IFFO2: variants seen among roughly 807,000 people sequenced by gnomAD.
IFFO2 encodes intermediate filament family orphan 2.
In IFFO2, 19 loss-of-function variants were observed where a neutral mutation model predicts 53.5. The observed-to-expected ratio is 0.36, with a 90% CI of 0.25 to 0.52. The LOEUF is 0.52. IFFO2 is among the 20% of genes least tolerant of loss of function. The pLI, the probability that IFFO2 is intolerant of heterozygous loss-of-function variation, is 0.94. For missense variants in IFFO2, 570 were observed against 727.4 expected (o/e 0.78, Z 2.49); for synonymous variants, 303 against 313.6 (o/e 0.97, Z 0.36).
intron 1 of IFFO2, among the ~76,000 whole-genome samples, chr1:18,927,544 T>C (rs1936321627): frequency 6.6e-6 from 1 of 151,680 alleles, no homozygotes; most frequent in African/African-American, 2.4e-5. Context: ...GCCCGGCTGC[T>C]CAAACCACAG....
At chr1:18,948,286 G>A (rs567745401) in intron 1 of IFFO2, among the ~76,000 whole-genome samples, 56 of 152,336 alleles carry the variant, frequency 3.7e-4, no homozygotes, top group African/African-American at 1.2e-3. Context: ...TGTACAGAGC[G>A]ACAAACTGAG....
intron 1 of IFFO2, among the ~76,000 whole-genome samples, chr1:18,950,777 G>C (rs56140067): frequency 0.03 from 4,566 of 152,270 alleles, 97 homozygotes; most frequent in Middle Eastern, 0.065. Flanking sequence ...ACGGGAATGG[G>C]CGGGGGACAC....
rs765521019 is a variant in IFFO2 at position 18,907,591 on chromosome 1, G to C, written c.*970C>G. ...GAGGGAAGAACATCAAGTTATCAGG[G>C]AAATCAAGGATCCCTCCGCCCCCGC... On this transcript the variant is annotated 3_prime_UTR_variant, in exon 9 of 9. Transcript: ENST00000455833. 6.6e-6 allele frequency: 1 copy of C among 152,234 alleles called. No homozygotes were observed. Among genetic ancestry groups the C allele is most frequent in the Non-Finnish European group, 1.5e-5 (1 of 68,088 alleles). The allele number at this position is 152,234 out of a possible 1,614,324, so 9.4% of individuals were successfully genotyped here.
intron 1 of IFFO2, among the ~76,000 whole-genome samples, chr1:18,932,169 C>T (rs570543402): frequency 1.1e-4 from 16 of 152,328 alleles, no homozygotes; most frequent in African/African-American, 3.8e-4. Flanking sequence ...CCCATTTGGT[C>T]ATCATAAAGA....
chr1:18,921,914 AGGGGT>A (rs1447398827), intron 1 of IFFO2, among the ~76,000 whole-genome samples: 4 of 152,152 alleles, frequency 2.6e-5, no homozygotes, highest in Admixed American at 6.5e-5. Flanking sequence ...AACTGCAGGA[AGGGGT>A]GGGAGCAGTT....
At chr1:18,955,257 C>T (rs1379899620) in intron 1 of IFFO2, among the ~76,000 whole-genome samples, 1 of 152,130 alleles carries the variant, frequency 6.6e-6, no homozygotes. Flanking sequence ...GTTGAAATCC[C>T]GGTTTCACCA....
intron 1 of IFFO2, among the ~76,000 whole-genome samples, chr1:18,953,063 C>A (rs1408377287): frequency 1.3e-5 from 2 of 152,180 alleles, no homozygotes; most frequent in African/African-American, 4.8e-5. Flanking sequence ...AACCCTGGAA[C>A]CTTTCCCTTC....
chr1:18,950,583 G>A (rs887141730), intron 1 of IFFO2, among the ~76,000 whole-genome samples: 8 of 152,200 alleles, frequency 5.3e-5, no homozygotes, highest in Non-Finnish European at 8.8e-5. Flanking sequence ...TTCCACCATC[G>A]AAGGCTGCCT....
rs1247127355 is a variant in IFFO2, at chr1:18,928,139, G to A, written c.666-7018C>T. Among the ~76,000 whole-genome samples the A allele has an allele frequency of 2.0e-5, 3 of 152,134 alleles. No homozygotes were observed. The highest frequency in any genetic ancestry group is 4.4e-5 in the Non-Finnish European group (3 of 68,022). ...CCGTCTTCTCCCCCGAAAATGGACA[G>A]CCAATAAGCTCTAGCCCCTGCGCAT... On this transcript the variant is annotated intron_variant, in intron 1 of 8. Coordinates refer to ENST00000455833, the MANE Select transcript of IFFO2 (RefSeq NM_001136265.2). The surrounding 1 kb of genome is among the most constrained non-coding windows in gnomAD (Gnocchi z 4.9).
chr1:18,953,146 C>T (rs1936680041), intron 1 of IFFO2, among the ~76,000 whole-genome samples: 1 of 152,188 alleles, frequency 6.6e-6, no homozygotes, highest in East Asian at 1.9e-4. Flanking sequence ...TAAAGCCCTT[C>T]ATGGCCACAA....
chr1:18,914,161 C>G (rs1936096562), intron 5 of IFFO2, among the ~76,000 whole-genome samples: 2 of 152,234 alleles, frequency 1.3e-5, no homozygotes, highest in African/African-American at 2.4e-5. Context: ...ACTTTACAAC[C>G]AGCTAAATCG....
In IFFO2 at chr1:18,908,293, C is replaced by T. The variant is rs997366218; in HGVS notation, c.*268G>A. On this transcript the variant is annotated 3_prime_UTR_variant, in exon 9 of 9. Transcript: ENST00000455833. ...AAGGCACAGTTAACACTGCAAAGTC[C>T]GCACAGAAGTCTGCATTTGTAATGT... 22 of 450,396 alleles carry T rather than the reference C, an allele frequency of 4.9e-5. No individual in the cohort carries two copies. The highest frequency in any genetic ancestry group is 6.4e-4 in the Middle Eastern group (1 of 1,560). The allele number at this position is 450,396 out of a possible 1,614,324, so 27.9% of individuals were successfully genotyped here. A position where few individuals can be genotyped will look rare whatever the true frequency, so the allele number is the denominator to read the frequency against.
chr1:18,928,441 T>A lies in IFFO2; in HGVS notation c.666-7320A>T, dbSNP rs763657965. On this transcript the variant is annotated intron_variant, in intron 1 of 8. Coordinates refer to ENST00000455833, the MANE Select transcript of IFFO2 (RefSeq NM_001136265.2). This position sits in a 1 kb window ranked among gnomAD's most constrained non-coding sequence, Gnocchi z 4.9. ...CGATTCCATTACAGGCGGGCAGTAA[T>A]GGCCTGAGCAGGACGGAGCACAGGC... Among the ~76,000 whole-genome samples the A allele has an allele frequency of 6.6e-6, 1 of 152,150 alleles. No individual in the cohort carries two copies. Among genetic ancestry groups the A allele is most frequent in the Non-Finnish European group, 1.5e-5 (1 of 68,020 alleles).
Position 18,921,054 on chromosome 1 carries a change from C to T in IFFO2, c.726+7G>A, listed in dbSNP as rs541082731. The T allele has an allele frequency of 1.3e-6, 2 of 1,551,684 alleles. No homozygotes were observed. Among genetic ancestry groups the T allele is most frequent in the African/African-American group, 2.7e-5 (2 of 73,156 alleles). ...CTCTCCTGGTCGGGATATCGGAGGG[C>T]TCTTACCTCCTGCAGCGTGTCCACC... On this transcript the variant is annotated splice_region_variant and intron_variant, in intron 2 of 8. Transcript: ENST00000455833.
Position 18,928,594 on chromosome 1 carries a change from C to T in IFFO2, c.666-7473G>A, listed in dbSNP as rs1221036805. The stretch of plus-strand genomic sequence containing the variant: ...CGGCAGCCTCCTCCAGGGATCCCAG[C>T]GTGCCAGGTCTGCGCAAGGCTGCTC... On this transcript the variant is annotated intron_variant, in intron 1 of 8. Transcript: ENST00000455833. This position sits in a 1 kb window ranked among gnomAD's most constrained non-coding sequence, Gnocchi z 4.9. Among the ~76,000 whole-genome samples, 2 of 152,298 alleles carry T rather than the reference C, an allele frequency of 1.3e-5. No homozygotes were observed. The highest frequency in any genetic ancestry group is 1.9e-4 in the East Asian group (1 of 5,180).
rs529231029 is a variant in IFFO2, at chr1:18,929,346, TG to T, written c.666-8226del. ...CGGTGTCACCCTGGCTCTACCCACC[TG>T]GGGGAGGGAGGGGCAAATGGGTGGG... On this transcript the variant is annotated intron_variant, in intron 1 of 8. Coordinates refer to ENST00000455833, the MANE Select transcript of IFFO2 (RefSeq NM_001136265.2). 2.6e-5 allele frequency among the ~76,000 whole-genome samples: 4 copies of T among 152,210 alleles called. No homozygotes were observed. In the East Asian group the frequency reaches 7.7e-4, roughly 29 times the overall value.
At chr1:18,938,598 C>T (rs1215822639) in intron 1 of IFFO2, among the ~76,000 whole-genome samples, 2 of 152,208 alleles carry the variant, frequency 1.3e-5, no homozygotes, top group Non-Finnish European at 2.9e-5. Context: ...GGAAGCCCAG[C>T]TCTGCCTGTG....
At position 18,928,583 on chromosome 1, in the gene IFFO2, AG is replaced by A. The variant is rs1936333580; in HGVS notation, c.666-7463del. 6.6e-6 allele frequency among the ~76,000 whole-genome samples: 1 copy of A among 152,168 alleles called. No individual in the cohort carries two copies. Among genetic ancestry groups the A allele is most frequent in the African/African-American group, 2.4e-5 (1 of 41,438 alleles). On this transcript the variant is annotated intron_variant, in intron 1 of 8. Transcript: ENST00000455833. The surrounding 1 kb of genome is among the most constrained non-coding windows in gnomAD (Gnocchi z 4.9). ...TCAACCAGAAACGGCAGCCTCCTCC[AG>A]GGATCCCAGCGTGCCAGGTCTGCGC...
At chr1:18,950,282 G>T (rs1002454559) in intron 1 of IFFO2, among the ~76,000 whole-genome samples, 13 of 152,202 alleles carry the variant, frequency 8.5e-5, no homozygotes, top group African/African-American at 3.1e-4. Flanking sequence ...GCCCTGAAAT[G>T]GACTTGTTAG....
Sources: gnomAD v4.1 joint callset for allele counts (sites outside exome capture counted in the v4.1 genomes callset) on GRCh38, gnomAD v4.1.1 for gene constraint, Gnocchi (gnomAD v3.1) non-coding constraint, MANE v1.5 for transcripts, NCBI Gene and HGNC (gene_info 2026-07-23, HGNC 2026-07-21) for gene names.